SYN2: variants seen among roughly 807,000 people sequenced by gnomAD.
The protein encoded by SYN2 is synapsin II, also known as synapsin-2.
In SYN2, 19 loss-of-function variants were observed where a neutral mutation model predicts 50.9. The ratio of observed to expected loss-of-function variants is 0.37; its 90% CI spans 0.26 to 0.55. SYN2 has a LOEUF of 0.55. SYN2 is among the 20% of genes least tolerant of loss of function. The pLI is 0.81. For synonymous variants in SYN2, 255 were observed against 224.9 expected, an observed-to-expected ratio of 1.13 and a Z score of -1.20; for missense variants, 587 against 576.4, an observed-to-expected ratio of 1.02 and a Z score of -0.19.
In SYN2 at chr3:12,044,177, T is replaced by A. The variant is rs1394743002; in HGVS notation, c.377+39249T>A. On this transcript the variant is annotated intron_variant, in intron 1 of 12. Transcript: ENST00000621198. ...AGGCAAAGTTCTCTCTCTCTCTCTC[T>A]CTCTCACACACACACACACACACAC... Among the ~76,000 whole-genome samples, 14 of 60,740 alleles carry A rather than the reference T, an allele frequency of 2.3e-4. 1 individual carries two copies. In the South Asian group the frequency reaches 0.017, roughly 72 times the overall value. The allele number at this position is 60,740 out of a possible 152,430, so 39.8% of individuals were successfully genotyped here. A position where few individuals can be genotyped will look rare whatever the true frequency, so the allele number is the denominator to read the frequency against.
intron 1 of SYN2, among the ~76,000 whole-genome samples, chr3:12,013,843 T>G (rs1312587709): frequency 6.6e-6 from 1 of 152,214 alleles, no homozygotes; most frequent in Non-Finnish European, 1.5e-5. Context: ...CCGTCTCTAA[T>G]TATTTCCATG....
chr3:12,068,993 C>T (rs1217128340), intron 1 of SYN2, among the ~76,000 whole-genome samples: 2 of 152,198 alleles, frequency 1.3e-5, no homozygotes, highest in Admixed American at 1.3e-4. Context: ...CTGTTCTGAA[C>T]ACTTCATATA....
intron 3 of SYN2, among the ~76,000 whole-genome samples, chr3:12,145,072 A>C (rs904681056): frequency 2.0e-5 from 3 of 151,902 alleles, no homozygotes; most frequent in Non-Finnish European, 4.4e-5. Context: ...AAAAAAGGAG[A>C]GTACCATAAT....
intron 10 of SYN2, among the ~76,000 whole-genome samples, chr3:12,182,858 GC>G (rs966505134): frequency 6.6e-6 from 1 of 152,222 alleles, no homozygotes; most frequent in East Asian, 1.9e-4. Context: ...CTGCTCACCT[GC>G]CCCTAGAGCC....
chr3:12,018,131 A>G (rs78677052), intron 1 of SYN2, among the ~76,000 whole-genome samples: 2 of 152,346 alleles, frequency 1.3e-5, no homozygotes, highest in East Asian at 3.9e-4. Flanking sequence ...AGTCGGGACT[A>G]GAACCCAGAT....
chr3:12,044,181 T>TCTCACA (rs573246278), intron 1 of SYN2, among the ~76,000 whole-genome samples: 6 of 53,406 alleles, frequency 1.1e-4, no homozygotes, highest in South Asian at 1.6e-3. Context: ...TCTCTCTCTC[T>TCTCACA]CACACACACA....
chr3:12,118,453 C>G (rs1291000189), intron 1 of SYN2, among the ~76,000 whole-genome samples: 1 of 152,138 alleles, frequency 6.6e-6, no homozygotes, highest in Non-Finnish European at 1.5e-5. Context: ...AAGTCTTATT[C>G]CATTTTACAG....
chr3:12,046,107 T>C (rs1694733106), intron 1 of SYN2, among the ~76,000 whole-genome samples: 1 of 152,220 alleles, frequency 6.6e-6, no homozygotes, highest in African/African-American at 2.4e-5. Context: ...ACTGTCAGTA[T>C]TGTTCAGTTT....
chr3:12,049,527 A>ATAATAAT lies in SYN2; in HGVS notation c.377+44599_377+44600insTAATAAT, dbSNP rs547907108. Among the ~76,000 whole-genome samples, 5 of 22,594 alleles carry ATAATAAT rather than the reference A, an allele frequency of 2.2e-4. 1 individual carries two copies. The highest frequency in any genetic ancestry group is 4.1e-4 in the African/African-American group (5 of 12,166). The allele number at this position is 22,594 out of a possible 152,430, so 14.8% of individuals were successfully genotyped here. A position where few individuals can be genotyped will look rare whatever the true frequency, so the allele number is the denominator to read the frequency against. ...GAGTGAGACTCCGTCTCAAAAAAAA[A>ATAATAAT]AAAATAATAAAAAATAAAAAAACTG... On this transcript the variant is annotated intron_variant, in intron 1 of 12. Coordinates refer to ENST00000621198, the MANE Select transcript of SYN2 (RefSeq NM_133625.6).
intron 10 of SYN2, 21 bp from the exon 11 acceptor site, chr3:12,183,290 CT>C: frequency 6.3e-7 from 1 of 1,591,282 alleles, no homozygotes; most frequent in East Asian, 2.2e-5. Flanking sequence ...TTGTTTTTAT[CT>C]CTTACATTTT....
chr3:12,112,174 G>A (rs1208126388), intron 1 of SYN2, among the ~76,000 whole-genome samples: 2 of 152,072 alleles, frequency 1.3e-5, no homozygotes, highest in Non-Finnish European at 2.9e-5. Context: ...CCTTCTGCTT[G>A]GGATCTGAAA....
chr3:12,097,036 G>A (rs1388379670), intron 1 of SYN2, among the ~76,000 whole-genome samples: 1 of 152,138 alleles, frequency 6.6e-6, no homozygotes, highest in Non-Finnish European at 1.5e-5. Context: ...TTCATCCAGA[G>A]GTGGAGAAAT....
At chr3:12,038,884 A>G (rs1232364818) in intron 1 of SYN2, among the ~76,000 whole-genome samples, 2 of 152,154 alleles carry the variant, frequency 1.3e-5, no homozygotes, top group East Asian at 1.9e-4. Context: ...TTCTTTTCCA[A>G]TTCGGATGCC....
intron 1 of SYN2, among the ~76,000 whole-genome samples, chr3:12,117,596 C>T (rs968086225): frequency 3.9e-5 from 6 of 152,188 alleles, no homozygotes; most frequent in African/African-American, 1.4e-4. Context: ...CCAACTCACC[C>T]TCCCAAATAA....
intron 4 of SYN2, 73 bp from the exon 5 acceptor site, chr3:12,151,164 T>C: frequency 9.4e-7 from 1 of 1,063,298 alleles, no homozygotes; most frequent in East Asian, 2.5e-5. Flanking sequence ...TCAATAAATA[T>C]TTGATGAGTT....
chr3:12,190,368 C>T lies in SYN2; in HGVS notation c.1614-122C>T, dbSNP rs936555473. 2.4e-5 allele frequency: 28 copies of T among 1,145,352 alleles called. No homozygotes were observed. In the Admixed American group the frequency reaches 5.4e-4, roughly 22 times the overall value. The allele number at this position is 1,145,352 out of a possible 1,614,324, so 70.9% of individuals were successfully genotyped here. A position where few individuals can be genotyped will look rare whatever the true frequency, so the allele number is the denominator to read the frequency against. Reference sequence around the variant, plus strand: ...GCATGGCCACTTCTGGCATTATCCTCCATCACCTTGGTTTCCCAGGGAGGG... The same window carrying T: ...GCATGGCCACTTCTGGCATTATCCTTCATCACCTTGGTTTCCCAGGGAGGG... On this transcript the variant is annotated intron_variant, in intron 12 of 12. Transcript: ENST00000621198.
chr3:12,032,979 T>C (rs570966590), intron 1 of SYN2, among the ~76,000 whole-genome samples: 2 of 117,510 alleles, frequency 1.7e-5, no homozygotes, highest in Admixed American at 9.3e-5. Context: ...GTTTCCAGTT[T>C]TTCTGTTCTG....
At chr3:12,044,160 T>TTCTCTCTC (rs150236284) in intron 1 of SYN2, among the ~76,000 whole-genome samples, 36,102 of 135,088 alleles carry the variant, frequency 0.27, 5,186 homozygotes, top group African/African-American at 0.33. Context: ...GAAGGCAAAG[T>TTCTCTCTC]TCTCTCTCTC....
chr3:12,182,246 G>A (rs1054132603), intron 10 of SYN2, among the ~76,000 whole-genome samples: 3 of 152,200 alleles, frequency 2.0e-5, no homozygotes, highest in Non-Finnish European at 4.4e-5. Flanking sequence ...GGGCTGAGGG[G>A]CACATCAAGA....
Sources: allele counts gnomAD v4.1 joint callset (sites outside exome capture counted in the v4.1 genomes callset), GRCh38; gene constraint gnomAD v4.1.1; transcripts MANE v1.5; gene names NCBI Gene and HGNC (gene_info 2026-07-23, HGNC 2026-07-21).